Variants in NKD1 observed in about 807,000 individuals in gnomAD.
NKD1 encodes NKD inhibitor of Wnt signaling pathway 1.
NKD1 carries 21 observed loss-of-function variants against 56.0 expected under a neutral mutation model. The observed-to-expected ratio is 0.38, with a 90% CI of 0.27 to 0.54. The LOEUF (loss-of-function observed/expected upper bound fraction) is 0.54. Ranked by LOEUF, NKD1 falls within the 20% of genes least tolerant of loss-of-function variation. NKD1 has a pLI of 0.82. For missense variants in NKD1, 578 were observed against 642.7 expected (o/e 0.90, Z 1.09); for synonymous variants, 263 against 265.7 (o/e 0.99, Z 0.10).
intron 3 of NKD1, among the ~76,000 whole-genome samples, chr16:50,605,255 GGTAGATGACGGGTGA>G (rs1961680070): frequency 6.6e-6 from 1 of 152,208 alleles, no homozygotes; most frequent in Admixed American, 6.5e-5. Context: ...GTGAGCACTT[GGTAGATGACGGGTGA>G]CTGTCATTAG....
Position 50,647,831 on chromosome 16 carries a change from C to A in NKD1, c.*14050C>A, listed in dbSNP as rs1285967640. On this transcript the variant is annotated 3_prime_UTR_variant, in exon 10 of 10. Coordinates refer to ENST00000268459, the MANE Select transcript of NKD1 (RefSeq NM_033119.5). ...TGCTTAGAGTTGAAAGCATCATAAC[C>A]CATCCCAGGTGATCATAGAAGGACC... 1 of 152,206 alleles carries A rather than the reference C, an allele frequency of 6.6e-6. No homozygotes were observed. Among genetic ancestry groups the A allele is most frequent in the African/African-American group, 2.4e-5 (1 of 41,446 alleles). 9.4% of individuals were successfully genotyped at this position (152,206 alleles called of 1,614,324 possible). A position where few individuals can be genotyped will look rare whatever the true frequency, so the allele number is the denominator to read the frequency against.
Position 50,636,674 on chromosome 16 carries a change from T to G in NKD1, c.*2893T>G, listed in dbSNP as rs1487106430. On this transcript the variant is annotated 3_prime_UTR_variant, in exon 10 of 10. Transcript: ENST00000268459. ...GGATCATGAGAGTGCCTGTCCCTTG[T>G]GAGCACTATGAAAGTGTTAGCTGTT... The G allele has an allele frequency of 6.6e-6, 1 of 152,248 alleles. No homozygotes were observed. The highest frequency in any genetic ancestry group is 1.9e-4 in the East Asian group (1 of 5,204). The allele number at this position is 152,248 out of a possible 1,614,324, so 9.4% of individuals were successfully genotyped here. A position where few individuals can be genotyped will look rare whatever the true frequency, so the allele number is the denominator to read the frequency against.
chr16:50,570,379 C>T (rs1189406211), intron 3 of NKD1, among the ~76,000 whole-genome samples: 1 of 152,130 alleles, frequency 6.6e-6, no homozygotes, highest in Non-Finnish European at 1.5e-5. Context: ...AGTATATAAA[C>T]AGATCCACAG....
rs370216824 is a variant in NKD1 at position 50,598,983 on chromosome 16, C to T, written c.193-9311C>T. Among the ~76,000 whole-genome samples the T allele has an allele frequency of 4.0e-5, 6 of 151,202 alleles. No homozygotes were observed. In the East Asian group the frequency reaches 9.8e-4, roughly 25 times the overall value. ...GTGGTGGGCAGTGGCTTAGAGAGGT[C>T]AGTGGTGGGTGGGAAGGCCGTGTGT... On this transcript the variant is annotated intron_variant, in intron 3 of 9. Coordinates refer to ENST00000268459, the MANE Select transcript of NKD1 (RefSeq NM_033119.5). The surrounding 1 kb of genome is among the most constrained non-coding windows in gnomAD (Gnocchi z 4.2).
rs1456916115 is a variant in NKD1, at chr16:50,597,101, G to A, written c.193-11193G>A. On this transcript the variant is annotated intron_variant, in intron 3 of 9. Coordinates refer to ENST00000268459, the MANE Select transcript of NKD1 (RefSeq NM_033119.5). ...GGTAGGGGTTGGGGTGGCGACGAGG[G>A]CAGAGAATAGAAAATGGTTGTCATT... is the stretch of plus-strand genomic sequence containing the variant. 6.6e-5 allele frequency among the ~76,000 whole-genome samples: 10 copies of A among 152,156 alleles called. No individual in the cohort carries two copies. The East Asian group carries it at 1.9e-3, about 29-fold the overall frequency.
chr16:50,585,583 C>A (rs771695627), intron 3 of NKD1, among the ~76,000 whole-genome samples: 9 of 152,182 alleles, frequency 5.9e-5, no homozygotes, highest in Admixed American at 1.3e-4. Flanking sequence ...TCTCCAGAGG[C>A]CTTGCTGCCT....
chr16:50,620,272 C>T (rs991224012), intron 4 of NKD1, among the ~76,000 whole-genome samples: 4 of 152,282 alleles, frequency 2.6e-5, no homozygotes, highest in Admixed American at 6.5e-5. Context: ...GGCATCTCCA[C>T]TGTGCCTGGC....
chr16:50,590,831 T>C (rs151249990), intron 3 of NKD1, among the ~76,000 whole-genome samples: 7 of 152,302 alleles, frequency 4.6e-5, no homozygotes, highest in African/African-American at 1.4e-4. Context: ...GTTGTTGTTG[T>C]TGTTGAGATG....
chr16:50,596,821 G>A (rs567790625), intron 3 of NKD1, among the ~76,000 whole-genome samples: 3 of 152,228 alleles, frequency 2.0e-5, no homozygotes, highest in Non-Finnish European at 4.4e-5. Context: ...AGGTGACAAG[G>A]TGATAATGAA....
At position 50,632,480 on chromosome 16, in the gene NKD1, G is replaced by T; in HGVS notation, c.823+72G>T. On this transcript the variant is annotated intron_variant, in intron 9 of 9. Coordinates refer to ENST00000268459, the MANE Select transcript of NKD1 (RefSeq NM_033119.5). This position sits in a 1 kb window ranked among gnomAD's most constrained non-coding sequence, Gnocchi z 4.1. ...GCTGGACGGGCCAGGCGGGCCGTGC[G>T]GGTGGTGTTCACTGCTACCCCAGGC... is the stretch of plus-strand genomic sequence containing the variant. 1 of 1,526,492 alleles carries T rather than the reference G, an allele frequency of 6.6e-7. No homozygotes were observed. Among genetic ancestry groups the T allele is most frequent in the Non-Finnish European group, 9.1e-7 (1 of 1,104,966 alleles). The allele number at this position is 1,526,492 out of a possible 1,614,324, so 94.6% of individuals were successfully genotyped here. A position where few individuals can be genotyped will look rare whatever the true frequency, so the allele number is the denominator to read the frequency against.
chr16:50,590,436 G>A (rs1447224565), intron 3 of NKD1, among the ~76,000 whole-genome samples: 1 of 152,192 alleles, frequency 6.6e-6, no homozygotes, highest in East Asian at 1.9e-4. Flanking sequence ...TTTTTCTTGA[G>A]ATGGTCATCC....
rs1961532716 is a variant in NKD1, at chr16:50,598,817, T to C, written c.193-9477T>C. Among the ~76,000 whole-genome samples, 1 of 150,768 alleles carries C rather than the reference T, an allele frequency of 6.6e-6. No individual in the cohort carries two copies. Among genetic ancestry groups the C allele is most frequent in the South Asian group, 2.1e-4 (1 of 4,742 alleles). ...TGGTGTGGCAGGATCAGTGGTGCGA[T>C]GTGCAGTGGCATGGTAGAGTCAGTG... On this transcript the variant is annotated intron_variant, in intron 3 of 9. Coordinates refer to ENST00000268459, the MANE Select transcript of NKD1 (RefSeq NM_033119.5). This position sits in a 1 kb window ranked among gnomAD's most constrained non-coding sequence, Gnocchi z 4.2.
intron 4 of NKD1, among the ~76,000 whole-genome samples, chr16:50,616,625 A>C (rs1252446561): frequency 6.6e-6 from 1 of 152,210 alleles, no homozygotes; most frequent in African/African-American, 2.4e-5. Flanking sequence ...CGGGAGCAGA[A>C]GCCTAGAAGG....
At chr16:50,580,400 C>G (rs1026117461) in intron 3 of NKD1, among the ~76,000 whole-genome samples, 1 of 152,222 alleles carries the variant, frequency 6.6e-6, no homozygotes, top group Non-Finnish European at 1.5e-5. Context: ...TTTGGGAGGC[C>G]CTCAATGCAA....
intron 3 of NKD1, among the ~76,000 whole-genome samples, chr16:50,587,594 AAGG>A (rs1961258564): frequency 6.6e-6 from 1 of 152,184 alleles, no homozygotes; most frequent in African/African-American, 2.4e-5. Flanking sequence ...GTGGGTCACT[AAGG>A]AGAGATGCTT....
intron 3 of NKD1, chr16:50,608,090 G>A: frequency 1.7e-6 from 1 of 578,328 alleles, no homozygotes; most frequent in South Asian, 2.0e-5. Context: ...TGGCCTGAAT[G>A]TTGTGCTGAT....
In NKD1 at chr16:50,633,591, A is replaced by G. The variant is rs1167859946; in HGVS notation, c.1223A>G (p.Glu408Gly). 16 of 1,611,500 alleles carry G rather than the reference A, an allele frequency of 9.9e-6. No homozygotes were observed. The highest frequency in any genetic ancestry group is 1.4e-5 in the Non-Finnish European group (16 of 1,179,504). ...AAGAAGCACAAGCACCGAGCCAAGGAGAGCCAGCAGGGCTGCCGGGGCCTG... is the reference window on the plus strand; with the variant it reads ...AAGAAGCACAAGCACCGAGCCAAGGGGAGCCAGCAGGGCTGCCGGGGCCTG... ...GHKKHKHRAKESQQGCRGLQA... is the reference protein window; with the variant it reads ...GHKKHKHRAKGSQQGCRGLQA... The change falls in exon 10 of 10, where the codon GAG becomes GGG. Residue 408 changes from glutamate (E) to glycine (G), a missense_variant. By Grantham distance (98) the Glu-to-Gly change is moderately conservative. Transcript: ENST00000268459. This position sits in a 1 kb window ranked among gnomAD's most constrained non-coding sequence, Gnocchi z 4.9.
chr16:50,633,152 C>T lies in NKD1; in HGVS notation c.824-40C>T. 6.5e-7 allele frequency: 1 copy of T among 1,547,950 alleles called. No individual in the cohort carries two copies. Among genetic ancestry groups the T allele is most frequent in the East Asian group, 2.3e-5 (1 of 44,280 alleles). On this transcript the variant is annotated intron_variant, in intron 9 of 9. Coordinates refer to ENST00000268459, the MANE Select transcript of NKD1 (RefSeq NM_033119.5). This position sits in a 1 kb window ranked among gnomAD's most constrained non-coding sequence, Gnocchi z 4.9. ...GGGGTATAGCGCAAGCCCCAGCACA[C>T]AGTAGGTGCTCATTAAATGTCTGTT...
chr16:50,616,894 G>T (rs947646704), intron 4 of NKD1, among the ~76,000 whole-genome samples: 1 of 152,204 alleles, frequency 6.6e-6, no homozygotes, highest in Non-Finnish European at 1.5e-5. Flanking sequence ...GGCACCACCT[G>T]GGGTTGTACA....
Sources: gnomAD v4.1 joint callset for allele counts (sites outside exome capture counted in the v4.1 genomes callset) on GRCh38, gnomAD v4.1.1 for gene constraint, Gnocchi (gnomAD v3.1) non-coding constraint, MANE v1.5 for transcripts, NCBI Gene and HGNC (gene_info 2026-07-23, HGNC 2026-07-21) for gene names.